NRXN1: variants seen among roughly 807,000 people sequenced by gnomAD.
The protein encoded by NRXN1 is neurexin-1.
Under a neutral mutation model 150.9 loss-of-function variants are expected in NRXN1, and 39 were observed. That is an observed-to-expected ratio of 0.26 (90% CI 0.20 to 0.34). NRXN1 has a LOEUF of 0.34. Ranked by LOEUF, NRXN1 falls within the 10% of genes least tolerant of loss-of-function variation. The probability of loss-of-function intolerance (pLI) is 1.00; values close to 1 mark genes in which losing one functional copy is unlikely to be tolerated. For missense variants in NRXN1, 1,815 were observed against 1,949.9 expected (o/e 0.93, Z 1.30); for synonymous variants, 924 against 757.0 (o/e 1.22, Z -3.62).
intron 5 of NRXN1, among the ~76,000 whole-genome samples, chr2:50,686,639 C>T (rs1276049987): frequency 6.6e-6 from 1 of 152,126 alleles, no homozygotes; most frequent in African/African-American, 2.4e-5. Context: ...CCAACAAAAC[C>T]CTGCTTTCAA....
chr2:50,647,617 C>A (rs1255892621), intron 5 of NRXN1, among the ~76,000 whole-genome samples: 1 of 151,870 alleles, frequency 6.6e-6, no homozygotes, highest in Non-Finnish European at 1.5e-5. Context: ...CAAAGAAAAG[C>A]TTTACTCTTG....
At chr2:49,979,404 C>T (rs901923039) in intron 21 of NRXN1, among the ~76,000 whole-genome samples, 9 of 152,306 alleles carry the variant, frequency 5.9e-5, no homozygotes, top group African/African-American at 2.2e-4. Flanking sequence ...GCACGGAGAG[C>T]CTTTGCTATC....
At chr2:50,845,963 G>C (rs888006147) in intron 5 of NRXN1, among the ~76,000 whole-genome samples, 1 of 152,178 alleles carries the variant, frequency 6.6e-6, no homozygotes, top group Non-Finnish European at 1.5e-5. Context: ...GCAATCAACT[G>C]CTAATAGCAC....
intron 15 of NRXN1, among the ~76,000 whole-genome samples, chr2:50,479,242 C>T (rs1344718807): frequency 6.6e-6 from 1 of 152,140 alleles, no homozygotes; most frequent in African/African-American, 2.4e-5. Flanking sequence ...GGCAGCCTTT[C>T]CCCAACTCTG....
intron 5 of NRXN1, among the ~76,000 whole-genome samples, chr2:50,699,569 G>A (rs2104948284): frequency 6.6e-6 from 1 of 152,204 alleles, no homozygotes; most frequent in Middle Eastern, 3.4e-3. Context: ...GAAATGGAAT[G>A]AGGGCAGCCT....
chr2:50,817,294 T>G (rs1669074306), intron 5 of NRXN1, among the ~76,000 whole-genome samples: 1 of 152,086 alleles, frequency 6.6e-6, no homozygotes, highest in Non-Finnish European at 1.5e-5. Flanking sequence ...ACATACAACC[T>G]ATCAACTGAA....
At chr2:50,494,523 T>A (rs1373860687) in intron 15 of NRXN1, among the ~76,000 whole-genome samples, 1 of 152,176 alleles carries the variant, frequency 6.6e-6, no homozygotes, top group African/African-American at 2.4e-5. Context: ...TTCATTTTAT[T>A]TTTTGAGCCA....
At chr2:50,980,200 G>A (rs554606572) in intron 2 of NRXN1, among the ~76,000 whole-genome samples, 3 of 152,038 alleles carry the variant, frequency 2.0e-5, no homozygotes, top group Non-Finnish European at 4.4e-5. Flanking sequence ...CACCTCCTGG[G>A]TTCAAGCAAT....
chr2:50,584,994 C>T (rs768015536), intron 8 of NRXN1, among the ~76,000 whole-genome samples: 1 of 152,002 alleles, frequency 6.6e-6, no homozygotes, highest in Non-Finnish European at 1.5e-5. Context: ...AAACTTGAGT[C>T]GTGCACACAA....
chr2:50,987,152 T>G (rs888133894), intron 2 of NRXN1, among the ~76,000 whole-genome samples: 1 of 151,984 alleles, frequency 6.6e-6, no homozygotes, highest in African/African-American at 2.4e-5. Context: ...ACATTCATTT[T>G]ATTTGTCATA....
intron 8 of NRXN1, among the ~76,000 whole-genome samples, chr2:50,583,232 A>C (rs1204799464): frequency 6.6e-6 from 1 of 151,942 alleles, no homozygotes; most frequent in Non-Finnish European, 1.5e-5. Flanking sequence ...AGTAGAGACA[A>C]GTTCTCACTA....
chr2:50,558,973 T>G (rs975910694), intron 8 of NRXN1, among the ~76,000 whole-genome samples: 9 of 151,982 alleles, frequency 5.9e-5, no homozygotes, highest in Non-Finnish European at 8.8e-5. Flanking sequence ...TCCCAGCTAC[T>G]TGGGAGGCTG....
At chr2:50,380,662 C>T (rs552574161) in intron 17 of NRXN1, among the ~76,000 whole-genome samples, 3 of 152,004 alleles carry the variant, frequency 2.0e-5, no homozygotes, top group South Asian at 2.1e-4. Context: ...ACAGCACGTG[C>T]CCAATACATA....
intron 17 of NRXN1, among the ~76,000 whole-genome samples, chr2:50,299,666 A>T (rs540412250): frequency 6.6e-6 from 1 of 152,276 alleles, no homozygotes; most frequent in South Asian, 2.1e-4. Context: ...TTATTATTCA[A>T]ATTGTTCTTT....
At chr2:50,470,339 T>C (rs1195681849) in intron 16 of NRXN1, among the ~76,000 whole-genome samples, 1 of 151,782 alleles carries the variant, frequency 6.6e-6, no homozygotes, top group African/African-American at 2.4e-5. Context: ...GAAAAAAACA[T>C]AGTTTCCTTA....
At chr2:50,226,345 C>T (rs2064376378) in intron 18 of NRXN1, among the ~76,000 whole-genome samples, 1 of 151,916 alleles carries the variant, frequency 6.6e-6, no homozygotes, top group African/African-American at 2.4e-5. Context: ...GAAATATCAG[C>T]CTATTTTCTG....
At chr2:50,716,620 T>C (rs1393141244) in intron 5 of NRXN1, among the ~76,000 whole-genome samples, 1 of 152,202 alleles carries the variant, frequency 6.6e-6, no homozygotes, top group Non-Finnish European at 1.5e-5. Context: ...GCATTCTAGT[T>C]ACCTAAATTA....
intron 5 of NRXN1, among the ~76,000 whole-genome samples, chr2:50,725,669 GT>G (rs1697261768): frequency 6.6e-6 from 1 of 152,024 alleles, no homozygotes; most frequent in African/African-American, 2.4e-5. Context: ...CCAATCTGAG[GT>G]TATTCTATTA....
At chr2:50,952,637 GA>G (rs532462739) in intron 2 of NRXN1, among the ~76,000 whole-genome samples, 369 of 152,284 alleles carry the variant, frequency 2.4e-3, no homozygotes, top group Non-Finnish European at 4.4e-3. Flanking sequence ...AAATGAACTA[GA>G]AGAGCAAAGT....
Sources: allele counts gnomAD v4.1 joint callset (sites outside exome capture counted in the v4.1 genomes callset), GRCh38; gene constraint gnomAD v4.1.1; transcripts MANE v1.5; gene names NCBI Gene and HGNC (gene_info 2026-07-23, HGNC 2026-07-21).